Variants in TARBP1 observed in about 807,000 individuals in gnomAD.
TARBP1 encodes the protein tRNA guanosine 2 -O-methyltransferase TARBP1, also known as tRNA (guanosine(18)-2'-O)-methyltransferase TARBP1.
In TARBP1, 144 loss-of-function variants were observed where a neutral mutation model predicts 178.6. That is an observed-to-expected ratio of 0.81 (90% CI 0.70 to 0.93). The LOEUF (loss-of-function observed/expected upper bound fraction) is 0.93. Among genes scored for constraint, TARBP1 ranks in the 40% least tolerant of loss-of-function variants. The pLI is 0.00. For missense variants in TARBP1, 2,067 were observed against 2,011.7 expected (o/e 1.03, Z -0.53); for synonymous variants, 787 against 781.0 (o/e 1.01, Z -0.13).
chr1:234,403,108 T>G (rs1421762957), intron 24 of TARBP1, among the ~76,000 whole-genome samples: 1 of 152,170 alleles, frequency 6.6e-6, no homozygotes, highest in Non-Finnish European at 1.5e-5. Context: ...AAAAGAAAAC[T>G]GGATGACGTC....
intron 26 of TARBP1, among the ~76,000 whole-genome samples, chr1:234,395,871 T>C (rs553378553): frequency 6.6e-6 from 1 of 152,222 alleles, no homozygotes; most frequent in South Asian, 2.1e-4. Context: ...AAGATGACTA[T>C]AGGTAACAAT....
chr1:234,405,818 A>G, intron 24 of TARBP1, 85 bp downstream of exon 24: 1 of 1,301,042 alleles, frequency 7.7e-7, no homozygotes, highest in Non-Finnish European at 1.1e-6. Flanking sequence ...TGGAAGGAGA[A>G]GCTGACACAG....
At chr1:234,443,163 G>A (rs1384256456) in intron 12 of TARBP1, among the ~76,000 whole-genome samples, 1 of 151,932 alleles carries the variant, frequency 6.6e-6, no homozygotes, top group Non-Finnish European at 1.5e-5. Flanking sequence ...GGTGGTGCAT[G>A]CCTGTAATCT....
In TARBP1 at chr1:234,415,147, G is replaced by A. The variant is rs190392279; in HGVS notation, c.3705+2937C>T. 2.4e-4 allele frequency among the ~76,000 whole-genome samples: 37 copies of A among 152,230 alleles called. No homozygotes were observed. The South Asian group carries it at 2.9e-3, about 12-fold the overall frequency. Reference sequence around the variant, plus strand: ...TATCCACAGAAAATGGATGCAACTCGAGCCTGTTGAAAAGCCAATGGGACC... The same window carrying A: ...TATCCACAGAAAATGGATGCAACTCAAGCCTGTTGAAAAGCCAATGGGACC... On this transcript the variant is annotated intron_variant, in intron 22 of 29. Transcript: ENST00000040877.
rs577367319 is a variant in TARBP1, at chr1:234,406,215, A to G, written c.3793-116T>C. On this transcript the variant is annotated intron_variant, in intron 23 of 29. Coordinates refer to ENST00000040877, the MANE Select transcript of TARBP1 (RefSeq NM_005646.4). ...AACTGCTCCTAGTAAAACTTCTTCCACTGGCTTTGCTACCAGGGCCTCTCA... is the reference window on the plus strand; with the variant it reads ...AACTGCTCCTAGTAAAACTTCTTCCGCTGGCTTTGCTACCAGGGCCTCTCA... 15 of 929,220 alleles carry G rather than the reference A, an allele frequency of 1.6e-5. No homozygotes were observed. In the African/African-American group the frequency reaches 2.3e-4, roughly 14 times the overall value. 57.6% of individuals were successfully genotyped at this position (929,220 alleles called of 1,614,324 possible).
intron 20 of TARBP1, among the ~76,000 whole-genome samples, chr1:234,424,690 C>T (rs1663500538): frequency 6.6e-6 from 1 of 152,144 alleles, no homozygotes. Flanking sequence ...CTTTGGGAGG[C>T]CAAGGCAAGA....
chr1:234,420,740 A>C lies in TARBP1; in HGVS notation c.3517T>G (p.Trp1173Gly). ...GGGAAAAGTACCAGCAGAGTCTGCC[A>C]CACTCGGTTTTTCACTCTGTGCTGT... is the stretch of plus-strand genomic sequence containing the variant. ...SLQHRVKNRV[W>G]QTLLVLFPRL... Residue 1173 changes from tryptophan to glycine, a missense_variant, in exon 21 of 30, where the codon TGG (tryptophan) becomes GGG (glycine). Coordinates refer to ENST00000040877, the MANE Select transcript of TARBP1 (RefSeq NM_005646.4). 6.2e-7 allele frequency: 1 copy of C among 1,612,978 alleles called. No individual in the cohort carries two copies. Among genetic ancestry groups the C allele is most frequent in the Non-Finnish European group, 8.5e-7 (1 of 1,179,520 alleles).
intron 22 of TARBP1, among the ~76,000 whole-genome samples, chr1:234,414,496 G>A (rs1662199615): frequency 1.3e-5 from 2 of 152,182 alleles, no homozygotes; most frequent in Non-Finnish European, 2.9e-5. Context: ...AGGGCAGGAG[G>A]AACCAGAGAA....
intron 23 of TARBP1, chr1:234,406,390 G>A (rs1661249552): frequency 2.9e-6 from 1 of 349,372 alleles, no homozygotes. Context: ...AAAAAAGTAT[G>A]TTTTATGCTA....
In TARBP1 at chr1:234,393,434, G is replaced by A. The variant is rs1659604606; in HGVS notation, c.4488C>T (p.Ser1496=). 6.2e-7 allele frequency: 1 copy of A among 1,610,554 alleles called. No homozygotes were observed. The highest frequency in any genetic ancestry group is 1.3e-5 in the African/African-American group (1 of 74,916). The change falls in exon 28 of 30, where the codon AGC becomes AGT. Residue 1496 remains serine, a synonymous_variant. Transcript: ENST00000040877. ...ACTGTTTGTCGCTGATACACTGAAG[G>A]CTGCCAACAACGAGCACTGAAGCCC... ...VFGASVLVVG[S]LQCISDKQFQ... is the part of the protein sequence containing the mutation.
intron 26 of TARBP1, among the ~76,000 whole-genome samples, chr1:234,396,635 T>A (rs1179631778): frequency 6.6e-6 from 1 of 151,992 alleles, no homozygotes; most frequent in South Asian, 2.1e-4. Flanking sequence ...ATGAATAAAT[T>A]TAGGATAGTA....
At chr1:234,407,957 C>G (rs990004016) in intron 23 of TARBP1, 2 of 152,166 alleles carry the variant, frequency 1.3e-5, no homozygotes, top group Admixed American at 1.3e-4. Flanking sequence ...GCTAGGTATA[C>G]ATTACTCGTA....
chr1:234,455,923 C>T (rs1363624735), intron 9 of TARBP1, among the ~76,000 whole-genome samples: 1 of 151,960 alleles, frequency 6.6e-6, no homozygotes, highest in African/African-American at 2.4e-5. Context: ...AGAAATACTA[C>T]AAAGACATGA....
intron 9 of TARBP1, among the ~76,000 whole-genome samples, chr1:234,452,943 A>C (rs888344413): frequency 5.9e-5 from 9 of 152,346 alleles, no homozygotes; most frequent in Non-Finnish European, 1.2e-4. Context: ...CATATTACTA[A>C]GTGGAAGAGC....
At chr1:234,395,098 C>T (rs1659791048) in intron 26 of TARBP1, among the ~76,000 whole-genome samples, 1 of 152,178 alleles carries the variant, frequency 6.6e-6, no homozygotes, top group African/African-American at 2.4e-5. Flanking sequence ...GTGGTAGACG[C>T]CTATAATCCC....
intron 22 of TARBP1, among the ~76,000 whole-genome samples, chr1:234,417,437 G>A (rs958546749): frequency 2.6e-5 from 4 of 152,036 alleles, no homozygotes; most frequent in African/African-American, 9.7e-5. Flanking sequence ...CAAAGAAGAA[G>A]ACAAGATCAT....
intron 14 of TARBP1, 97 bp downstream of exon 14, chr1:234,433,313 G>T: frequency 2.4e-6 from 3 of 1,261,342 alleles, no homozygotes; most frequent in Admixed American, 2.2e-5. Flanking sequence ...TTTAGTTAAC[G>T]CTTTGTATGG....
At chr1:234,472,952 T>C (rs942935346) in intron 1 of TARBP1, 141 bp from the exon 2 acceptor site, 2 of 693,466 alleles carry the variant, frequency 2.9e-6, no homozygotes, top group Non-Finnish European at 5.0e-6. Context: ...AGAGCCTGGA[T>C]AGGGGGCTTG....
intron 9 of TARBP1, among the ~76,000 whole-genome samples, chr1:234,453,343 T>TG (rs1475938125): frequency 6.6e-6 from 1 of 151,036 alleles, no homozygotes; most frequent in Non-Finnish European, 1.5e-5. Flanking sequence ...TTTTTTTTTT[T>TG]TACATTATTA....
Sources: allele counts gnomAD v4.1 joint callset (sites outside exome capture counted in the v4.1 genomes callset), GRCh38; gene constraint gnomAD v4.1.1; transcripts MANE v1.5; gene names NCBI Gene and HGNC (gene_info 2026-07-23, HGNC 2026-07-21).